Variants in OPCML observed in about 807,000 individuals in gnomAD.
OPCML encodes the protein opioid-binding protein/cell adhesion molecule.
Under a neutral mutation model 37.8 loss-of-function variants are expected in OPCML, and 13 were observed. The ratio of observed to expected loss-of-function variants is 0.34; its 90% confidence interval spans 0.22 to 0.55. OPCML has a LOEUF of 0.55. Ranked by LOEUF, OPCML falls within the 20% of genes least tolerant of loss-of-function variation. OPCML has a pLI of 0.91. For missense variants in OPCML, 341 were observed against 435.6 expected, an observed-to-expected ratio of 0.78 and a Z score of 1.93; for synonymous variants, 176 against 168.8, an observed-to-expected ratio of 1.04 and a Z score of -0.33.
intron 1 of OPCML, among the ~76,000 whole-genome samples, chr11:132,960,382 C>G (rs759439096): frequency 2.0e-5 from 3 of 152,152 alleles, no homozygotes; most frequent in African/African-American, 7.2e-5. Flanking sequence ...GGGAATCCCA[C>G]GTGTGTAAAA....
At chr11:132,735,225 C>G (rs1014596684) in intron 2 of OPCML, among the ~76,000 whole-genome samples, 1 of 152,016 alleles carries the variant, frequency 6.6e-6, no homozygotes, top group Non-Finnish European at 1.5e-5. Context: ...AACTATCAGG[C>G]AAACTTGGTA....
chr11:132,840,555 A>G (rs1941242525), intron 2 of OPCML, among the ~76,000 whole-genome samples: 1 of 152,136 alleles, frequency 6.6e-6, no homozygotes, highest in African/African-American at 2.4e-5. Context: ...GTCCTCTGCT[A>G]CTGATAATGG....
chr11:132,418,733 C>A lies in OPCML; in HGVS notation c.*1460G>T, dbSNP rs1047049977. Reference sequence around the variant, plus strand: ...TCTAGCTGAAGTCATCCCACTCAGGCGGGTGGACTCTTCACTTTGCATTGC... The same window carrying A: ...TCTAGCTGAAGTCATCCCACTCAGGAGGGTGGACTCTTCACTTTGCATTGC... On this transcript the variant is annotated 3_prime_UTR_variant, in exon 8 of 8. Transcript: ENST00000524381. The A allele has an allele frequency of 6.6e-6, 1 of 152,456 alleles. No homozygotes were observed. The highest frequency in any genetic ancestry group is 1.5e-5 in the Non-Finnish European group (1 of 68,040). The allele number at this position is 152,456 out of a possible 1,614,324, so 9.4% of individuals were successfully genotyped here. A position where few individuals can be genotyped will look rare whatever the true frequency, so the allele number is the denominator to read the frequency against.
chr11:133,045,613 C>T (rs1254942249), intron 1 of OPCML, among the ~76,000 whole-genome samples: 3 of 152,240 alleles, frequency 2.0e-5, no homozygotes, highest in African/African-American at 2.4e-5. Flanking sequence ...CGCTGGAAAG[C>T]TCTGCCCTGT....
chr11:132,702,269 G>A (rs1227229658), intron 2 of OPCML, among the ~76,000 whole-genome samples: 2 of 152,094 alleles, frequency 1.3e-5, no homozygotes, highest in African/African-American at 4.8e-5. Flanking sequence ...AACTCCCTCA[G>A]TTTTTTGTTT....
At chr11:132,529,967 C>T (rs1022874208) in intron 3 of OPCML, among the ~76,000 whole-genome samples, 4 of 152,192 alleles carry the variant, frequency 2.6e-5, no homozygotes, top group Admixed American at 1.3e-4. Context: ...TAATTCCTCA[C>T]CTGCTACATG....
At chr11:133,362,695 C>T (rs959509592) in intron 1 of OPCML, among the ~76,000 whole-genome samples, 14 of 152,134 alleles carry the variant, frequency 9.2e-5, no homozygotes, top group African/African-American at 3.4e-4. Flanking sequence ...CATGTTAACC[C>T]TGCCTTAGGC....
chr11:132,425,126 G>A (rs1292025240), intron 7 of OPCML, among the ~76,000 whole-genome samples: 1 of 152,184 alleles, frequency 6.6e-6, no homozygotes, highest in Non-Finnish European at 1.5e-5. Flanking sequence ...TTCAACATAT[G>A]TGAATTGATC....
rs55807377 is a variant in OPCML at position 133,217,858 on chromosome 11, G to A, written c.62-274848C>T. ...ACTTGAGCCCAGGGCAGCCTGGGCA[G>A]CATAGGGAGAATTCATCTTTACAGA... On this transcript the variant is annotated intron_variant, in intron 1 of 7. Coordinates refer to ENST00000524381, the MANE Select transcript of OPCML (RefSeq NM_001012393.5). Among the ~76,000 whole-genome samples the A allele has an allele frequency of 6.3e-3, 958 of 152,266 alleles. 14 individuals carry two copies. The highest frequency in any genetic ancestry group is 0.022 in the African/African-American group (925 of 41,558).
intron 1 of OPCML, among the ~76,000 whole-genome samples, chr11:133,333,738 G>A (rs1261620805): frequency 6.6e-6 from 1 of 152,116 alleles, no homozygotes; most frequent in Non-Finnish European, 1.5e-5. Flanking sequence ...TGCAAACTAT[G>A]CATCTGATAA....
intron 2 of OPCML, among the ~76,000 whole-genome samples, chr11:132,665,462 T>C (rs1041668229): frequency 6.6e-6 from 1 of 152,126 alleles, no homozygotes; most frequent in Non-Finnish European, 1.5e-5. Flanking sequence ...ACAGAGTATC[T>C]GATGCCGGGA....
At chr11:133,362,994 G>A (rs954686108) in intron 1 of OPCML, among the ~76,000 whole-genome samples, 1 of 152,176 alleles carries the variant, frequency 6.6e-6, no homozygotes, top group Non-Finnish European at 1.5e-5. Flanking sequence ...ATTCCCATAG[G>A]GCAGCTTAGT....
chr11:132,528,062 T>C (rs927522610), intron 4 of OPCML, among the ~76,000 whole-genome samples: 1 of 152,186 alleles, frequency 6.6e-6, no homozygotes, highest in African/African-American at 2.4e-5. Context: ...CTCAGACATC[T>C]AGCCTCCAGA....
intron 3 of OPCML, among the ~76,000 whole-genome samples, chr11:132,604,969 A>G (rs1227306407): frequency 6.6e-6 from 1 of 152,180 alleles, no homozygotes; most frequent in African/African-American, 2.4e-5. Context: ...GAGTATACCC[A>G]TTATAAGAAA....
intron 2 of OPCML, among the ~76,000 whole-genome samples, chr11:132,918,275 C>A (rs1374797671): frequency 3.9e-5 from 6 of 152,164 alleles, no homozygotes; most frequent in African/African-American, 9.7e-5. Context: ...GATCTTAAGA[C>A]TGCAGCTCAG....
chr11:132,580,732 G>A (rs189817769), intron 3 of OPCML, among the ~76,000 whole-genome samples: 36 of 152,104 alleles, frequency 2.4e-4, no homozygotes, highest in East Asian at 7.8e-4. Flanking sequence ...GGTTCTATCC[G>A]GTTCTATCCT....
chr11:132,465,557 T>C (rs2096117038), intron 4 of OPCML, among the ~76,000 whole-genome samples: 1 of 152,104 alleles, frequency 6.6e-6, no homozygotes, highest in African/African-American at 2.4e-5. Context: ...TTTCTTATAT[T>C]ATTTTCTTAG....
At chr11:132,965,364 C>G (rs555891542) in intron 1 of OPCML, among the ~76,000 whole-genome samples, 2 of 152,042 alleles carry the variant, frequency 1.3e-5, no homozygotes, top group East Asian at 3.9e-4. Context: ...TGTTTTGTGT[C>G]GGGGGGAGAT....
At chr11:133,130,996 G>C (rs1949595501) in intron 1 of OPCML, among the ~76,000 whole-genome samples, 1 of 152,114 alleles carries the variant, frequency 6.6e-6, no homozygotes, top group African/African-American at 2.4e-5. Context: ...CCAGTGTGAT[G>C]ATATTTGGAG....
Sources: allele counts gnomAD v4.1 joint callset (sites outside exome capture counted in the v4.1 genomes callset), GRCh38; gene constraint gnomAD v4.1.1; transcripts MANE v1.5; gene names NCBI Gene and HGNC (gene_info 2026-07-23, HGNC 2026-07-21).